KLHL13: variants seen among roughly 807,000 people sequenced by gnomAD.
KLHL13 encodes kelch like family member 13.
Under a neutral mutation model 37.1 loss-of-function variants are expected in KLHL13, and 10 were observed. The ratio of observed to expected loss-of-function variants is 0.27; its 90% CI spans 0.17 to 0.46. The LOEUF (loss-of-function observed/expected upper bound fraction) is 0.46, where lower values mean the gene tolerates loss of function less well. KLHL13 is among the 20% of genes least tolerant of loss of function. The pLI is 1.00. For synonymous variants in KLHL13, 163 were observed against 181.2 expected (o/e 0.90, Z 0.81); for missense variants, 360 against 509.3 (o/e 0.71, Z 2.82).
intron 1 of KLHL13, among the ~76,000 whole-genome samples, chrX:117,951,280 A>C (rs1933585573): frequency 8.9e-6 from 1 of 112,064 alleles, no homozygotes; most frequent in African/African-American, 3.2e-5. Context: ...TAAAATTTCA[A>C]ATATTGAAAG....
At chrX:117,963,390 A>C (rs12393269) in intron 1 of KLHL13, among the ~76,000 whole-genome samples, 6,819 of 111,988 alleles carry the variant, frequency 0.061, 490 homozygotes, top group African/African-American at 0.21. Flanking sequence ...TATAAAGCAC[A>C]CAAACAGTAA....
intron 1 of KLHL13, among the ~76,000 whole-genome samples, chrX:117,994,929 A>G (rs1294842313): frequency 1.8e-5 from 2 of 111,774 alleles, no homozygotes; most frequent in African/African-American, 6.5e-5. Context: ...GAGTAGTGGT[A>G]CATGCCTGTG....
intron 1 of KLHL13, among the ~76,000 whole-genome samples, chrX:118,088,017 A>G (rs1485066779): frequency 8.9e-6 from 1 of 112,120 alleles, no homozygotes; most frequent in Admixed American, 9.5e-5. Context: ...ATGACCATCA[A>G]TGGATCTTCT....
intron 6 of KLHL13, among the ~76,000 whole-genome samples, chrX:117,901,586 C>A: frequency 9.3e-6 from 1 of 107,723 alleles, no homozygotes; most frequent in East Asian, 2.9e-4. Context: ...CTCACTGCAA[C>A]CTCCGTCTTC....
intron 2 of KLHL13, among the ~76,000 whole-genome samples, chrX:117,933,864 T>C (rs976979029): frequency 9.0e-6 from 1 of 110,676 alleles, no homozygotes; most frequent in Non-Finnish European, 1.9e-5. Flanking sequence ...TAGAAGAAGC[T>C]ACTAACTCTG....
chrX:117,960,615 A>G (rs766525024), intron 1 of KLHL13, among the ~76,000 whole-genome samples: 1 of 112,400 alleles, frequency 8.9e-6, no homozygotes, highest in Non-Finnish European at 1.9e-5. Flanking sequence ...GGTTCTCAAC[A>G]ACCTGTATTA....
chrX:118,058,966 T>C (rs184025420), intron 1 of KLHL13, among the ~76,000 whole-genome samples: 60 of 111,796 alleles, frequency 5.4e-4, no homozygotes, highest in South Asian at 1.5e-3. Flanking sequence ...TAGTCCTTCA[T>C]GTACAATTCT....
At chrX:118,028,645 A>G in intron 1 of KLHL13, 148 bp from the exon 2 acceptor site, 1 of 293,785 alleles carries the variant, frequency 3.4e-6, no homozygotes. Flanking sequence ...TTACATCTTA[A>G]GAAAATTAAG....
intron 1 of KLHL13, among the ~76,000 whole-genome samples, chrX:117,966,213 C>G (rs1174437433): frequency 2.7e-5 from 3 of 112,116 alleles, no homozygotes. Context: ...TCAGCAAAGT[C>G]TCAGGATACA....
In KLHL13 at chrX:117,945,495, G is replaced by T. The variant is rs377144272; in HGVS notation, c.179C>A (p.Ser60Tyr). Reference sequence around the variant, plus strand: ...GATGCGTGTAGGTCCTGCCTTGGAAGACTGCAAATGGGATGAGAGGCCCAT... The same window carrying T: ...GATGCGTGTAGGTCCTGCCTTGGAATACTGCAAATGGGATGAGAGGCCCAT... Residue 60 changes from serine to tyrosine, a missense_variant, in exon 2 of 7, where the codon TCT becomes TAT. Ser to Tyr is a moderately radical substitution (Grantham distance 144). Around this residue, in one of 2 missense-constraint regions of KLHL13, gnomAD observed 194 missense variants for 225.0 expected, o/e 0.86. Transcript: ENST00000262820. 240 of 1,206,946 alleles carry T rather than the reference G, an allele frequency of 2.0e-4. 1 individual carries two copies. The South Asian group carries it at 3.9e-3, about 19-fold the overall frequency.
intron 1 of KLHL13, chrX:117,985,447 T>TTA (rs1556331899): frequency 7.2e-5 from 44 of 609,367 alleles, no homozygotes; most frequent in Non-Finnish European, 8.9e-5. Context: ...TTTATATATT[T>TTA]AAAAAAAAAA....
At chrX:118,029,529 G>A (rs2054312732) in intron 1 of KLHL13, among the ~76,000 whole-genome samples, 1 of 111,777 alleles carries the variant, frequency 8.9e-6, no homozygotes, top group Non-Finnish European at 1.9e-5. Context: ...CACTGGGAAG[G>A]TAGAATATAT....
chrX:117,915,062 T>C (rs1440590408), intron 4 of KLHL13, among the ~76,000 whole-genome samples: 2 of 111,995 alleles, frequency 1.8e-5, no homozygotes, highest in South Asian at 3.7e-4. Flanking sequence ...AAGTCAAGAC[T>C]GGTTTGGTGG....
chrX:117,909,547 G>A (rs760874570), exon 5 of KLHL13: 2 of 1,211,420 alleles, frequency 1.7e-6, no homozygotes, highest in Non-Finnish European at 2.2e-6. Context: ...GCATCCATGG[G>A]GGCTAACGAT....
intron 2 of KLHL13, among the ~76,000 whole-genome samples, chrX:117,944,259 C>T (rs1438779580): frequency 9.0e-6 from 1 of 110,933 alleles, no homozygotes; most frequent in Non-Finnish European, 1.9e-5. Flanking sequence ...CCCTACACAG[C>T]TTTAAGATGC....
intron 1 of KLHL13, among the ~76,000 whole-genome samples, chrX:118,030,382 T>C (rs993397594): frequency 8.9e-6 from 1 of 112,196 alleles, no homozygotes; most frequent in Non-Finnish European, 1.9e-5. Flanking sequence ...ATTTAGAAGA[T>C]GTTGAAAAGG....
At chrX:117,963,846 G>A (rs1437647047) in intron 1 of KLHL13, among the ~76,000 whole-genome samples, 2 of 106,605 alleles carry the variant, frequency 1.9e-5, no homozygotes, top group Admixed American at 1.0e-4. Flanking sequence ...TATACACCAT[G>A]GAATACTATG....
chrX:117,946,055 G>A (rs1933301661), intron 1 of KLHL13: 1 of 111,998 alleles, frequency 8.9e-6, no homozygotes, highest in Admixed American at 9.4e-5. Context: ...AAAGTGGTTG[G>A]CCCAGGGTTT....
intron 3 of KLHL13, among the ~76,000 whole-genome samples, chrX:117,919,960 ATAGAG>A (rs202224094): frequency 0.033 from 3,488 of 107,183 alleles, 144 homozygotes; most frequent in African/African-American, 0.11. Context: ...ATTTTTTGAC[ATAGAG>A]TAGAGATTGT....
Sources: allele counts gnomAD v4.1 joint callset (sites outside exome capture counted in the v4.1 genomes callset), GRCh38; gene constraint gnomAD v4.1.1; regional missense constraint gnomAD v4.1.1; transcripts MANE v1.5; gene names NCBI Gene and HGNC (gene_info 2026-07-23, HGNC 2026-07-21).